FOXI3: variants seen among roughly 807,000 people sequenced by gnomAD.
FOXI3 encodes forkhead box I3, also known as forkhead box protein I3.
FOXI3 carries 4 observed loss-of-function variants against 15.6 expected under a neutral mutation model. The ratio of observed to expected loss-of-function variants is 0.26; its 90% CI spans 0.13 to 0.59. FOXI3 has a LOEUF of 0.59. FOXI3 is among the 20% of genes least tolerant of loss of function. FOXI3 has a pLI of 0.90. For synonymous variants in FOXI3, 238 were observed against 244.4 expected, an observed-to-expected ratio of 0.97 and a Z score of 0.25; for missense variants, 489 against 548.2, an observed-to-expected ratio of 0.89 and a Z score of 1.08.
rs1475918444 is a variant in FOXI3 at position 88,452,504 on chromosome 2, A to C, written c.32T>G (p.Val11Gly). 8 of 1,080,138 alleles carry C rather than the reference A, an allele frequency of 7.4e-6. No individual in the cohort carries two copies. The East Asian group carries it at 4.6e-4, about 62-fold the overall frequency. 66.9% of individuals were successfully genotyped at this position (1,080,138 alleles called of 1,614,324 possible). Residue 11 changes from valine (V) to glycine (G), a missense_variant, in exon 1 of 2, where the codon GTG (valine) becomes GGG (glycine). Val to Gly is a moderately radical substitution (Grantham distance 109, BLOSUM62 -3). This residue lies in a region of FOXI3 where 224 missense variants were observed against 245.7 expected (regional missense o/e 0.91). Transcript: ENST00000428390. MALYCGDNFGVYSQPGLPPPA... is the reference protein window; with the variant it reads MALYCGDNFGGYSQPGLPPPA... Reference sequence around the variant, plus strand: ...CGGGGGCAGGCCGGGCTGCGAATACACTCCGAAGTTGTCGCCGCAGTAGAG... The same window carrying C: ...CGGGGGCAGGCCGGGCTGCGAATACCCTCCGAAGTTGTCGCCGCAGTAGAG...
At chr2:88,451,617 G>C (rs1205481788) in intron 1 of FOXI3, among the ~76,000 whole-genome samples, 2 of 152,228 alleles carry the variant, frequency 1.3e-5, no homozygotes, top group Non-Finnish European at 2.9e-5. Flanking sequence ...GTAGCCTTCT[G>C]TTCTGGGATA....
chr2:88,447,044 C>G lies in FOXI3; in HGVS notation c.*1163G>C, dbSNP rs1299725263. On this transcript the variant is annotated 3_prime_UTR_variant, in exon 2 of 2. Coordinates refer to ENST00000428390, the MANE Select transcript of FOXI3 (RefSeq NM_001135649.3). Reference sequence around the variant, plus strand: ...AGCCACCTGTGCACATTTGAGCTTGCAATCCTGGTATACAGTGATGACTAA... The same window carrying G: ...AGCCACCTGTGCACATTTGAGCTTGGAATCCTGGTATACAGTGATGACTAA... 6.6e-6 allele frequency: 1 copy of G among 152,200 alleles called. No individual in the cohort carries two copies. Among genetic ancestry groups the G allele is most frequent in the Non-Finnish European group, 1.5e-5 (1 of 68,046 alleles). 9.4% of individuals were successfully genotyped at this position (152,200 alleles called of 1,614,324 possible).
chr2:88,452,173 G>T lies in FOXI3; in HGVS notation c.363C>A (p.Ala121=). The change falls in exon 1 of 2, where the codon GCC becomes GCA. Residue 121 remains alanine (A), a synonymous_variant. Coordinates refer to ENST00000428390, the MANE Select transcript of FOXI3 (RefSeq NM_001135649.3). Reference sequence around the variant, plus strand: ...CCAGCTCCCCGGGCCCCGCGGGCGCGGCGGGCGAGGCGGGCGCGGCGGGCG... The same window carrying T: ...CCAGCTCCCCGGGCCCCGCGGGCGCTGCGGGCGAGGCGGGCGCGGCGGGCG... ...QPAPAAPASP[A]APAGPGELGW... 7.8e-7 allele frequency: 1 copy of T among 1,280,568 alleles called. No individual in the cohort carries two copies. The highest frequency in any genetic ancestry group is 9.8e-7 in the Non-Finnish European group (1 of 1,017,306). 79.3% of individuals were successfully genotyped at this position (1,280,568 alleles called of 1,614,324 possible).
At position 88,452,460 on chromosome 2, in the gene FOXI3, C is replaced by A; in HGVS notation, c.76G>T (p.Ala26Ser). 1 of 1,059,806 alleles carries A rather than the reference C, an allele frequency of 9.4e-7. No individual in the cohort carries two copies. Among genetic ancestry groups the A allele is most frequent in the Non-Finnish European group, 1.1e-6 (1 of 879,978 alleles). The allele number at this position is 1,059,806 out of a possible 1,614,324, so 65.7% of individuals were successfully genotyped here. The change falls in exon 1 of 2, where the codon GCC (alanine) becomes TCC (serine). Residue 26 changes from alanine to serine, a missense_variant. By Grantham distance (99) the Ala-to-Ser change is moderately conservative (BLOSUM62 1). Transcript: ENST00000428390. ...CTGGCTGCCGGGGGGGCGCCCGGGGCGGCGGCGGTGGCGGCGGGCGGGGGC... is the reference window on the plus strand; with the variant it reads ...CTGGCTGCCGGGGGGGCGCCCGGGGAGGCGGCGGTGGCGGCGGGCGGGGGC... Reference protein sequence around the residue: ...GLPPPAATAAAPGAPPAARAP... With the variant: ...GLPPPAATAASPGAPPAARAP...
rs1355615564 is a variant in FOXI3 at position 88,448,640 on chromosome 2, C to T, written c.830G>A (p.Ser277Asn). The change falls in exon 2 of 2, where the codon AGC becomes AAC. Residue 277 changes from serine to asparagine, a missense_variant. Coordinates refer to ENST00000428390, the MANE Select transcript of FOXI3 (RefSeq NM_001135649.3). ...SGVGGKPEEE[S>N]PSTLLRPSHS... ...GGAAGGCCTCAGCAGAGTGGAGGGGCTCTCTTCTTCTGGCTTCCCACCCAC... is the reference window on the plus strand; with the variant it reads ...GGAAGGCCTCAGCAGAGTGGAGGGGTTCTCTTCTTCTGGCTTCCCACCCAC... The T allele has an allele frequency of 9.0e-6, 14 of 1,551,596 alleles. No individual in the cohort carries two copies. The highest frequency in any genetic ancestry group is 1.2e-5 in the Non-Finnish European group (14 of 1,147,002).
chr2:88,452,073 C>T lies in FOXI3; in HGVS notation c.463G>A (p.Ala155Thr). 1 of 1,574,636 alleles carries T rather than the reference C, an allele frequency of 6.4e-7. No homozygotes were observed. ...TCGGGCGCGCTCTGAATGGCCATGGCGATGAGCGCCGAATACGAGTAGGGC... is the reference window on the plus strand; with the variant it reads ...TCGGGCGCGCTCTGAATGGCCATGGTGATGAGCGCCGAATACGAGTAGGGC... ...RPPYSYSALI[A>T]MAIQSAPERK... The change falls in exon 1 of 2, where the codon GCC becomes ACC. Residue 155 changes from alanine to threonine, a missense_variant. Around this residue, in one of 3 missense-constraint regions of FOXI3, gnomAD observed 224 missense variants for 245.7 expected, o/e 0.91. Transcript: ENST00000428390.
chr2:88,448,608 G>C lies in FOXI3; in HGVS notation c.862C>G (p.Pro288Ala). The change falls in exon 2 of 2, where the codon CCA becomes GCA. Residue 288 changes from proline to alanine, a missense_variant. By Grantham distance (27) the Pro-to-Ala change is conservative (BLOSUM62 -1). This residue lies in a region of FOXI3 where 263 missense variants were observed against 285.5 expected (regional missense o/e 0.92). Coordinates refer to ENST00000428390, the MANE Select transcript of FOXI3 (RefSeq NM_001135649.3). Reference sequence around the variant, plus strand: ...CTCTTGGTGCCCTCCGGAGGCTCTGGGGAGTGGGAAGGCCTCAGCAGAGTG... The same window carrying C: ...CTCTTGGTGCCCTCCGGAGGCTCTGCGGAGTGGGAAGGCCTCAGCAGAGTG... ...PSTLLRPSHSPEPPEGTKSTA... is the reference protein window; with the variant it reads ...PSTLLRPSHSAEPPEGTKSTA... 1.9e-6 allele frequency: 3 copies of C among 1,551,620 alleles called. No individual in the cohort carries two copies. The highest frequency in any genetic ancestry group is 2.4e-5 in the East Asian group (1 of 40,910).
chr2:88,451,314 C>G (rs911578162), intron 1 of FOXI3, among the ~76,000 whole-genome samples: 2 of 152,200 alleles, frequency 1.3e-5, no homozygotes, highest in African/African-American at 4.8e-5. Flanking sequence ...TGCAGAACCT[C>G]TCTGCTTAAA....
Position 88,452,284 on chromosome 2 carries a change from GGGCGGCGGC to G in FOXI3, c.243_251del (p.Pro83_Pro85del), listed in dbSNP as rs1256638071. The G allele has an allele frequency of 5.1e-6, 5 of 982,414 alleles. No homozygotes were observed. Among genetic ancestry groups the G allele is most frequent in the South Asian group, 9.0e-5 (2 of 22,140 alleles). The allele number at this position is 982,414 out of a possible 1,614,324, so 60.9% of individuals were successfully genotyped here. On this transcript the variant is annotated inframe_deletion, in exon 1 of 2. Transcript: ENST00000428390. ...GAAAGGGCCCGGCCGCGGCCCCGGG[GGGCGGCGGC>G]GGCGGCGGAGCGCCCAGGTACGCGG...
In FOXI3 at chr2:88,452,326, T is replaced by A; in HGVS notation, c.210A>T (p.Ala70=). The change falls in exon 1 of 2, where the codon GCA becomes GCT. Residue 70 remains alanine, a synonymous_variant. Coordinates refer to ENST00000428390, the MANE Select transcript of FOXI3 (RefSeq NM_001135649.3). The stretch of plus-strand genomic sequence containing the variant: ...GAGCGCCCAGGTACGCGGCGGCGGC[T>A]GCGGCGGCGGCGGAGGGCGGGCCTC... ...GVGGPPSAAA[A]AAAAYLGAPP... 4.1e-6 allele frequency: 4 copies of A among 980,874 alleles called. No homozygotes were observed. Among genetic ancestry groups the A allele is most frequent in the Non-Finnish European group, 3.6e-6 (3 of 828,960 alleles). The allele number at this position is 980,874 out of a possible 1,614,324, so 60.8% of individuals were successfully genotyped here.
At position 88,452,388 on chromosome 2, in the gene FOXI3, C is replaced by A; in HGVS notation, c.148G>T (p.Ala50Ser). Residue 50 changes from alanine to serine, a missense_variant, in exon 1 of 2, where the codon GCC becomes TCC. Physicochemically the swap from Ala to Ser is moderately conservative, Grantham distance 99. Transcript: ENST00000428390. ...CCGTTGAGCCACAGGTAGGGGTTGGCGGCGGCGGCCGGCGGCGCGGCGTAG... is the reference window on the plus strand; with the variant it reads ...CCGTTGAGCCACAGGTAGGGGTTGGAGGCGGCGGCCGGCGGCGCGGCGTAG... Reference protein sequence around the residue: ...ADYAAPPAAAANPYLWLNGPG... With the variant: ...ADYAAPPAAASNPYLWLNGPG... 3.0e-6 allele frequency: 3 copies of A among 990,086 alleles called. No homozygotes were observed. Among genetic ancestry groups the A allele is most frequent in the East Asian group, 1.1e-4 (1 of 8,972 alleles). 61.3% of individuals were successfully genotyped at this position (990,086 alleles called of 1,614,324 possible). A position where few individuals can be genotyped will look rare whatever the true frequency, so the allele number is the denominator to read the frequency against.
In FOXI3 at chr2:88,448,417, G is replaced by A. The variant is rs539273096; in HGVS notation, c.1053C>T (p.Gly351=). ...CTGAGATGGAGGTCGGGGAGAACACGCCGCTGGAGGGCAGCTGGGCCCCCT... is the reference window on the plus strand; with the variant it reads ...CTGAGATGGAGGTCGGGGAGAACACACCGCTGGAGGGCAGCTGGGCCCCCT... ...GIQGAQLPSS[G]VFSPTSISEA... Residue 351 remains glycine, a synonymous_variant, in exon 2 of 2, where the codon GGC becomes GGT. Coordinates refer to ENST00000428390, the MANE Select transcript of FOXI3 (RefSeq NM_001135649.3). 79 of 1,551,714 alleles carry A rather than the reference G, an allele frequency of 5.1e-5. No individual in the cohort carries two copies. Among genetic ancestry groups the A allele is most frequent in the Non-Finnish European group, 6.3e-5 (72 of 1,146,982 alleles).
Position 88,452,395 on chromosome 2 carries a change from G to C in FOXI3, c.141C>G (p.Ala47=). The change falls in exon 1 of 2, where the codon GCC becomes GCG. Residue 47 remains alanine, a synonymous_variant. Transcript: ENST00000428390. The stretch of plus-strand genomic sequence containing the variant: ...GCCACAGGTAGGGGTTGGCGGCGGC[G>C]GCCGGCGGCGCGGCGTAGTCGGCCA... ...YGLADYAAPP[A]AAANPYLWLN... 1 of 993,512 alleles carries C rather than the reference G, an allele frequency of 1.0e-6. No individual in the cohort carries two copies. Among genetic ancestry groups the C allele is most frequent in the African/African-American group, 1.8e-5 (1 of 56,836 alleles). 61.5% of individuals were successfully genotyped at this position (993,512 alleles called of 1,614,324 possible). A position where few individuals can be genotyped will look rare whatever the true frequency, so the allele number is the denominator to read the frequency against.
intron 1 of FOXI3, 150 bp downstream of exon 1, chr2:88,451,746 G>T: frequency 1.8e-6 from 2 of 1,117,944 alleles, no homozygotes; most frequent in South Asian, 1.5e-5. Context: ...TGTCCTCTGG[G>T]TTGGGTGGTT....
chr2:88,448,230 G>A lies in FOXI3; in HGVS notation c.1240C>T (p.Pro414Ser). Residue 414 changes from proline (P) to serine (S), a missense_variant, in exon 2 of 2, where the codon CCC becomes TCC. Transcript: ENST00000428390. Reference sequence around the variant, plus strand: ...CTCTACACCTCGGAGCCCTCTCGGGGGTAGATGAGGCTGTTCACCATGCTA... The same window carrying A: ...CTCTACACCTCGGAGCCCTCTCGGGAGTAGATGAGGCTGTTCACCATGCTA... ...NFSMVNSLIYPREGSEV is the reference protein window; with the variant it reads ...NFSMVNSLIYSREGSEV 7 of 1,551,610 alleles carry A rather than the reference G, an allele frequency of 4.5e-6. No homozygotes were observed. The highest frequency in any genetic ancestry group is 6.1e-6 in the Non-Finnish European group (7 of 1,146,988).
At chr2:88,449,257 T>C (rs1219690330) in intron 1 of FOXI3, among the ~76,000 whole-genome samples, 4 of 152,182 alleles carry the variant, frequency 2.6e-5, no homozygotes, top group African/African-American at 4.8e-5. Context: ...CTCCGTTTCT[T>C]TATTTATAAA....
rs1216250326 is a variant in FOXI3, at chr2:88,451,786, G to A, written c.640+110C>T. ...CTCCATCCGCTCCCACCCGCAGCCT[G>A]GACAAGAAGACTCCTGGCAGATCTT... On this transcript the variant is annotated intron_variant, in intron 1 of 1. Coordinates refer to ENST00000428390, the MANE Select transcript of FOXI3 (RefSeq NM_001135649.3). 3 of 1,484,946 alleles carry A rather than the reference G, an allele frequency of 2.0e-6. No individual in the cohort carries two copies. In the African/African-American group the frequency reaches 4.2e-5, roughly 21 times the overall value. 92.0% of individuals were successfully genotyped at this position (1,484,946 alleles called of 1,614,324 possible).
rs1676066615 is a variant in FOXI3, at chr2:88,452,326, T to G, written c.210A>C (p.Ala70=). 1.0e-6 allele frequency: 1 copy of G among 980,874 alleles called. No individual in the cohort carries two copies. Among genetic ancestry groups the G allele is most frequent in the South Asian group, 4.5e-5 (1 of 22,060 alleles). 60.8% of individuals were successfully genotyped at this position (980,874 alleles called of 1,614,324 possible). Residue 70 remains alanine (A), a synonymous_variant, in exon 1 of 2, where the codon GCA becomes GCC. Transcript: ENST00000428390. ...GVGGPPSAAA[A]AAAAYLGAPP... is the part of the protein sequence containing the mutation. ...GAGCGCCCAGGTACGCGGCGGCGGC[T>G]GCGGCGGCGGCGGAGGGCGGGCCTC...
Position 88,451,887 on chromosome 2 carries a change from G to T in FOXI3, c.640+9C>A. On this transcript the variant is annotated intron_variant, in intron 1 of 1. Coordinates refer to ENST00000428390, the MANE Select transcript of FOXI3 (RefSeq NM_001135649.3). Reference sequence around the variant, plus strand: ...CCCCGGCTGGGAAGCACCTGCCAGCGGCCCTCACCTGGGTCGTCCTCGTCG... The same window carrying T: ...CCCCGGCTGGGAAGCACCTGCCAGCTGCCCTCACCTGGGTCGTCCTCGTCG... 1 of 1,611,506 alleles carries T rather than the reference G, an allele frequency of 6.2e-7. No individual in the cohort carries two copies. The highest frequency in any genetic ancestry group is 8.5e-7 in the Non-Finnish European group (1 of 1,178,904).
Sources: gnomAD v4.1 joint callset for allele counts (sites outside exome capture counted in the v4.1 genomes callset) on GRCh38, gnomAD v4.1.1 for gene constraint, gnomAD v4.1.1 regional missense constraint, MANE v1.5 for transcripts, NCBI Gene and HGNC (gene_info 2026-07-23, HGNC 2026-07-21) for gene names.